JARID2: variants seen among roughly 807,000 people sequenced by gnomAD.
The protein encoded by JARID2 is jumonji and AT-rich interaction domain containing 2.
Under a neutral mutation model 125.6 loss-of-function variants are expected in JARID2, and 21 were observed. The ratio of observed to expected loss-of-function variants is 0.17; its 90% CI spans 0.12 to 0.24. The LOEUF is 0.24. Among genes scored for constraint, JARID2 ranks in the 10% least tolerant of loss-of-function variants. The pLI, the probability that JARID2 is intolerant of heterozygous loss-of-function variation, is 1.00. For missense variants in JARID2, 1,303 were observed against 1,639.6 expected (o/e 0.79, Z 3.55); for synonymous variants, 736 against 661.6 (o/e 1.11, Z -1.73).
chr6:15,320,418 A>G (rs1417189136), intron 1 of JARID2, among the ~76,000 whole-genome samples: 2 of 152,132 alleles, frequency 1.3e-5, no homozygotes, highest in African/African-American at 4.8e-5. Flanking sequence ...TATTTAAGAA[A>G]CTCAGTCATT....
intron 2 of JARID2, among the ~76,000 whole-genome samples, chr6:15,406,294 C>T (rs898063021): frequency 1.3e-5 from 2 of 152,078 alleles, no homozygotes; most frequent in Non-Finnish European, 1.5e-5. Context: ...ATTAGCTGAG[C>T]GTGGTAGCGA....
chr6:15,350,683 A>G (rs1763392083), intron 1 of JARID2, among the ~76,000 whole-genome samples: 1 of 151,910 alleles, frequency 6.6e-6, no homozygotes, highest in Non-Finnish European at 1.5e-5. Context: ...TTGCTATTTA[A>G]ACAAGATTCA....
rs138291595 is a variant in JARID2 at position 15,518,638 on chromosome 6, C to T, written c.3558+1370C>T. 7.2e-4 allele frequency among the ~76,000 whole-genome samples: 110 copies of T among 152,260 alleles called. No homozygotes were observed. In the East Asian group the frequency reaches 0.016, roughly 22 times the overall value. On this transcript the variant is annotated intron_variant, in intron 17 of 17. Coordinates refer to ENST00000341776, the MANE Select transcript of JARID2 (RefSeq NM_004973.4). The stretch of plus-strand genomic sequence containing the variant: ...CTGGGATTACAGGTGCCCGCCACTA[C>T]GCACCCGGCTAATTTTTCTTTTTAG...
chr6:15,321,022 G>T (rs1728637474), intron 1 of JARID2, among the ~76,000 whole-genome samples: 1 of 152,052 alleles, frequency 6.6e-6, no homozygotes, highest in South Asian at 2.1e-4. Flanking sequence ...TCATATGAAT[G>T]ATTTCATTAT....
At chr6:15,381,168 A>G (rs1172811495) in intron 2 of JARID2, among the ~76,000 whole-genome samples, 2 of 151,118 alleles carry the variant, frequency 1.3e-5, no homozygotes, top group African/African-American at 2.4e-5. Flanking sequence ...CCTGGCTAAC[A>G]TGGTGAAACC....
At chr6:15,389,818 A>G (rs773545668) in intron 2 of JARID2, among the ~76,000 whole-genome samples, 2 of 152,132 alleles carry the variant, frequency 1.3e-5, no homozygotes, top group African/African-American at 2.4e-5. Context: ...GGACTATTTT[A>G]TGGTAATATG....
intron 4 of JARID2, among the ~76,000 whole-genome samples, chr6:15,466,051 G>A (rs748140469): frequency 2.6e-5 from 4 of 152,112 alleles, no homozygotes; most frequent in Non-Finnish European, 5.9e-5. Context: ...TGCACCACCC[G>A]CCTTGGCTTC....
intron 2 of JARID2, among the ~76,000 whole-genome samples, chr6:15,384,366 C>G (rs527353961): frequency 8.3e-5 from 12 of 144,994 alleles, no homozygotes; most frequent in Non-Finnish European, 3.0e-5. Context: ...GCCTGGCCCA[C>G]TTTGATTTTT....
intron 2 of JARID2, among the ~76,000 whole-genome samples, chr6:15,391,850 G>C (rs1437311195): frequency 6.6e-6 from 1 of 152,194 alleles, no homozygotes; most frequent in East Asian, 1.9e-4. Flanking sequence ...TGGCTTTGGG[G>C]TGTTGAAGGC....
intron 3 of JARID2, among the ~76,000 whole-genome samples, chr6:15,417,019 A>G (rs1766260299): frequency 6.6e-6 from 1 of 152,206 alleles, no homozygotes; most frequent in Non-Finnish European, 1.5e-5. Context: ...ACGATAATGT[A>G]CAGTTAATTT....
intron 2 of JARID2, among the ~76,000 whole-genome samples, chr6:15,404,623 T>C (rs1216995046): frequency 1.3e-5 from 2 of 151,942 alleles, no homozygotes; most frequent in Admixed American, 1.3e-4. Flanking sequence ...GACTGTTTGA[T>C]ATGTAATGTG....
At chr6:15,253,664 A>ACC (rs1561748120) in intron 1 of JARID2, among the ~76,000 whole-genome samples, 1 of 151,392 alleles carries the variant, frequency 6.6e-6, no homozygotes, top group East Asian at 2.0e-4. Context: ...CACAGATTTT[A>ACC]CTATTTTAAG....
intron 3 of JARID2, among the ~76,000 whole-genome samples, chr6:15,444,544 A>G (rs1309687271): frequency 1.3e-5 from 2 of 151,916 alleles, no homozygotes; most frequent in Non-Finnish European, 2.9e-5. Flanking sequence ...AGTGGCTGCC[A>G]GGTTTGTAGT....
intron 2 of JARID2, among the ~76,000 whole-genome samples, chr6:15,381,530 ACT>A (rs1764589557): frequency 1.3e-5 from 2 of 151,984 alleles, no homozygotes; most frequent in African/African-American, 4.8e-5. Context: ...GTGAGGACAC[ACT>A]CTGCATGAAA....
Position 15,487,399 on chromosome 6 carries a change from G to C in JARID2, c.763G>C (p.Asp255His). The C allele has an allele frequency of 6.2e-7, 1 of 1,614,234 alleles. No individual in the cohort carries two copies. Among genetic ancestry groups the C allele is most frequent in the Non-Finnish European group, 8.5e-7 (1 of 1,180,040 alleles). Reference sequence around the variant, plus strand: ...CACTCCCGCAAAGGAGAAGCACAGCGATCACCGGGCTGACAGCCGCCGGGA... The same window carrying C: ...CACTCCCGCAAAGGAGAAGCACAGCCATCACCGGGCTGACAGCCGCCGGGA... ...EATPAKEKHS[D>H]HRADSRREQA... Residue 255 changes from aspartate to histidine, a missense_variant, in exon 6 of 18, where the codon GAT (aspartate) becomes CAT (histidine). Transcript: ENST00000341776.
rs1197457345 is a variant in JARID2, at chr6:15,421,746, A to T, written c.323+11381A>T. ...TATAATGCCTGGACTTTGCCACTGT[A>T]CCATGTCACCTTCCATAAGTTGTAG... On this transcript the variant is annotated intron_variant, in intron 3 of 17. Transcript: ENST00000341776. Among the ~76,000 whole-genome samples, 4 of 152,204 alleles carry T rather than the reference A, an allele frequency of 2.6e-5. No homozygotes were observed. In the East Asian group the frequency reaches 7.7e-4, roughly 29 times the overall value.
At chr6:15,424,654 T>G (rs917736255) in intron 3 of JARID2, among the ~76,000 whole-genome samples, 3 of 152,070 alleles carry the variant, frequency 2.0e-5, no homozygotes, top group Non-Finnish European at 4.4e-5. Flanking sequence ...GGTCGGGAGT[T>G]CGAGACCAGT....
intron 1 of JARID2, among the ~76,000 whole-genome samples, chr6:15,321,174 C>G (rs1169179885): frequency 6.6e-6 from 1 of 152,118 alleles, no homozygotes; most frequent in Non-Finnish European, 1.5e-5. Flanking sequence ...TTACAAAACA[C>G]CTGGCCCTGT....
At chr6:15,372,967 A>G (rs1453957846) in intron 1 of JARID2, among the ~76,000 whole-genome samples, 3 of 152,106 alleles carry the variant, frequency 2.0e-5, no homozygotes, top group South Asian at 4.1e-4. Context: ...TTGGCCCCCA[A>G]AAGTGCTGGG....
Sources: gnomAD v4.1 joint callset for allele counts (sites outside exome capture counted in the v4.1 genomes callset) on GRCh38, gnomAD v4.1.1 for gene constraint, MANE v1.5 for transcripts, NCBI Gene and HGNC (gene_info 2026-07-23, HGNC 2026-07-21) for gene names.